Variants in MALRD1 observed in about 807,000 individuals in gnomAD.
The protein encoded by MALRD1 is MAM and LDL receptor class A domain containing 1, also known as MAM and LDL-receptor class A domain-containing protein 1.
A neutral mutation model predicts 242.1 loss-of-function variants in MALRD1; 247 were observed. That is an observed-to-expected ratio of 1.02 (90% CI 0.92 to 1.13). MALRD1 has a LOEUF of 1.13. MALRD1 is among the 50% of genes most tolerant of loss of function. The pLI, the probability that MALRD1 is intolerant of heterozygous loss-of-function variation, is 0.00. For missense variants in MALRD1, 2,989 were observed against 2,533.1 expected, an observed-to-expected ratio of 1.18 and a Z score of -3.86; for synonymous variants, 995 against 866.6, an observed-to-expected ratio of 1.15 and a Z score of -2.60.
intron 26 of MALRD1, among the ~76,000 whole-genome samples, chr10:19,357,513 T>C (rs1240579975): frequency 6.6e-6 from 1 of 152,168 alleles, no homozygotes; most frequent in African/African-American, 2.4e-5. Flanking sequence ...TTTGGCAAAA[T>C]TATATTTCTT....
chr10:19,072,530 G>T (rs185231399), intron 2 of MALRD1, among the ~76,000 whole-genome samples: 26 of 152,050 alleles, frequency 1.7e-4, no homozygotes, highest in South Asian at 1.7e-3. Context: ...TTGTCTGTGG[G>T]TTACAGTTTG....
At chr10:19,234,575 A>C (rs1291596046) in intron 18 of MALRD1, among the ~76,000 whole-genome samples, 1 of 152,138 alleles carries the variant, frequency 6.6e-6, no homozygotes, top group African/African-American at 2.4e-5. Flanking sequence ...GCAAAAGTGA[A>C]CTTTTTAGTA....
At position 19,182,747 on chromosome 10, in the gene MALRD1, C is replaced by T. The variant is rs573085407; in HGVS notation, c.1951+7419C>T. 2.8e-3 allele frequency among the ~76,000 whole-genome samples: 419 copies of T among 152,142 alleles called. 2 individuals are homozygous for T. Among genetic ancestry groups the T allele is most frequent in the African/African-American group, 9.7e-3 (401 of 41,510 alleles). The stretch of plus-strand genomic sequence containing the variant: ...AAGTTCCCTACGTGAGCAGTTTAAG[C>T]AATGGGAATTTTGAAGCCAATGATC... On this transcript the variant is annotated intron_variant, in intron 14 of 39. Coordinates refer to ENST00000454679, the MANE Select transcript of MALRD1 (RefSeq NM_001142308.3).
intron 14 of MALRD1, among the ~76,000 whole-genome samples, chr10:19,201,856 C>A (rs969379637): frequency 6.6e-6 from 1 of 152,082 alleles, no homozygotes; most frequent in Non-Finnish European, 1.5e-5. Flanking sequence ...CACTCTGTCA[C>A]CCAGGCTGGA....
chr10:19,610,830 A>G (rs1052036464), intron 35 of MALRD1, among the ~76,000 whole-genome samples: 2 of 152,006 alleles, frequency 1.3e-5, no homozygotes, highest in African/African-American at 4.8e-5. Flanking sequence ...CTGCAAAATG[A>G]GGATAATTAT....
At chr10:19,608,394 A>C (rs970347422) in intron 35 of MALRD1, among the ~76,000 whole-genome samples, 1 of 152,108 alleles carries the variant, frequency 6.6e-6, no homozygotes, top group Non-Finnish European at 1.5e-5. Context: ...ACCTTGGAAC[A>C]TGTATACAGC....
At chr10:19,088,229 A>C in intron 4 of MALRD1, 44 bp downstream of exon 4, 2 of 1,227,672 alleles carry the variant, frequency 1.6e-6, no homozygotes, top group Non-Finnish European at 2.0e-6. Context: ...AAGAAAAATA[A>C]GATACAGATC....
At chr10:19,685,854 A>G (rs974233177) in intron 36 of MALRD1, among the ~76,000 whole-genome samples, 1 of 152,170 alleles carries the variant, frequency 6.6e-6, no homozygotes, top group Non-Finnish European at 1.5e-5. Context: ...ACTTACATCC[A>G]TGTCTATCTG....
intron 28 of MALRD1, among the ~76,000 whole-genome samples, chr10:19,421,822 G>A (rs898383517): frequency 6.6e-6 from 1 of 152,170 alleles, no homozygotes; most frequent in Non-Finnish European, 1.5e-5. Context: ...CCAGTAAAGG[G>A]TTAAACCCTC....
chr10:19,506,412 A>G (rs1004912891), intron 31 of MALRD1, among the ~76,000 whole-genome samples: 1 of 152,178 alleles, frequency 6.6e-6, no homozygotes, highest in Admixed American at 6.5e-5. Flanking sequence ...TTATCCAGCT[A>G]TATGAGCCCA....
At chr10:19,614,652 A>G (rs1839056430) in intron 35 of MALRD1, among the ~76,000 whole-genome samples, 1 of 151,818 alleles carries the variant, frequency 6.6e-6, no homozygotes, top group East Asian at 1.9e-4. Context: ...TGTGCTAACC[A>G]CTCTCACGGT....
chr10:19,329,310 C>G (rs544611072), intron 23 of MALRD1, among the ~76,000 whole-genome samples: 1 of 152,204 alleles, frequency 6.6e-6, no homozygotes, highest in Non-Finnish European at 1.5e-5. Context: ...TCTCTTTAGT[C>G]TCACAAAGAA....
intron 18 of MALRD1, among the ~76,000 whole-genome samples, chr10:19,211,064 C>T (rs2803835): frequency 6.6e-6 from 1 of 152,012 alleles, no homozygotes; most frequent in African/African-American, 2.4e-5. Flanking sequence ...TAATTCTTAA[C>T]GTCTCATTGG....
At chr10:19,379,719 A>G (rs1458569713) in intron 26 of MALRD1, among the ~76,000 whole-genome samples, 1 of 152,052 alleles carries the variant, frequency 6.6e-6, no homozygotes, top group South Asian at 2.1e-4. Context: ...GCTAGTGACT[A>G]TTTCACACGT....
intron 30 of MALRD1, among the ~76,000 whole-genome samples, chr10:19,492,664 G>A (rs1837544706): frequency 6.6e-6 from 1 of 152,104 alleles, no homozygotes. Context: ...CGATCCTCAG[G>A]AAAAATAGCA....
intron 28 of MALRD1, among the ~76,000 whole-genome samples, chr10:19,399,770 A>G (rs2130849225): frequency 6.6e-6 from 1 of 152,326 alleles, no homozygotes; most frequent in Non-Finnish European, 1.5e-5. Context: ...AAATAAAGAA[A>G]TATTTAGACT....
At chr10:19,185,560 C>G (rs903261390) in intron 14 of MALRD1, among the ~76,000 whole-genome samples, 1 of 151,968 alleles carries the variant, frequency 6.6e-6, no homozygotes, top group African/African-American at 2.4e-5. Flanking sequence ...ATATTTTCCT[C>G]AAACTAGTAT....
chr10:19,578,145 G>T lies in MALRD1; in HGVS notation c.5680+10442G>T, dbSNP rs985714124. Among the ~76,000 whole-genome samples, 27 of 110,012 alleles carry T rather than the reference G, an allele frequency of 2.5e-4. 1 individual carries two copies. Among genetic ancestry groups the T allele is most frequent in the Admixed American group, 1.9e-3 (23 of 12,092 alleles). The allele number at this position is 110,012 out of a possible 152,430, so 72.2% of individuals were successfully genotyped here. On this transcript the variant is annotated intron_variant, in intron 33 of 39. Coordinates refer to ENST00000454679, the MANE Select transcript of MALRD1 (RefSeq NM_001142308.3). ...CTTAATAGTCTAAGTTTTAAGAAAA[G>T]ATTTTTTTTCAAATAGAAAAACAAG...
At chr10:19,479,909 A>G (rs1375700124) in intron 29 of MALRD1, among the ~76,000 whole-genome samples, 2 of 152,158 alleles carry the variant, frequency 1.3e-5, no homozygotes, top group Admixed American at 6.5e-5. Flanking sequence ...ACTCACCTGG[A>G]TGTGTGCACA....
Sources: allele counts gnomAD v4.1 joint callset (sites outside exome capture counted in the v4.1 genomes callset), GRCh38; gene constraint gnomAD v4.1.1; transcripts MANE v1.5; gene names NCBI Gene and HGNC (gene_info 2026-07-23, HGNC 2026-07-21).